The following NEIL2 variants were observed in gnomAD, a reference collection of about 807,000 sequenced individuals.
The protein encoded by NEIL2 is nei like DNA glycosylase 2, also known as endonuclease 8-like 2.
Under a neutral mutation model 22.2 loss-of-function variants are expected in NEIL2, and 23 were observed. That is an observed-to-expected ratio of 1.04 (90% CI 0.75 to 1.47). The LOEUF is 1.47. NEIL2 is among the 40% of genes most tolerant of loss of function. NEIL2 has a pLI of 0.00. For missense variants in NEIL2, 583 were observed against 404.7 expected (o/e 1.44, Z -3.78); for synonymous variants, 229 against 164.8 (o/e 1.39, Z -2.99).
intron 2 of NEIL2, among the ~76,000 whole-genome samples, chr8:11,772,510 A>G (rs1460583690): frequency 6.6e-6 from 1 of 152,192 alleles, no homozygotes; most frequent in African/African-American, 2.4e-5. Context: ...GCATCCTCAG[A>G]GAAGCCTGCC....
chr8:11,782,381 T>G (rs894306773), intron 3 of NEIL2, among the ~76,000 whole-genome samples: 1 of 152,098 alleles, frequency 6.6e-6, no homozygotes, highest in South Asian at 2.1e-4. Flanking sequence ...GCCAAGATAG[T>G]GCCACTGCAC....
At position 11,783,233 on chromosome 8, in the gene NEIL2, C is replaced by T. The variant is rs779960183; in HGVS notation, c.522C>T (p.Phe174=). 6.2e-7 allele frequency: 1 copy of T among 1,614,234 alleles called. No individual in the cohort carries two copies. Among genetic ancestry groups the T allele is most frequent in the Non-Finnish European group, 8.5e-7 (1 of 1,180,036 alleles). The change falls in exon 4 of 5, where the codon TTC becomes TTT. Residue 174 remains phenylalanine (F), a synonymous_variant. Coordinates refer to ENST00000284503, the MANE Select transcript of NEIL2 (RefSeq NM_145043.4). The part of the protein sequence containing the change: ...RLVLHFGGGG[F]LAFYNCQLSW... Reference sequence around the variant, plus strand: ...TCCTGCACTTTGGTGGTGGTGGCTTCCTGGCATTTTATAATTGTCAGTTGT... The same window carrying T: ...TCCTGCACTTTGGTGGTGGTGGCTTTCTGGCATTTTATAATTGTCAGTTGT...
chr8:11,772,446 G>A (rs1342820245), intron 2 of NEIL2, among the ~76,000 whole-genome samples: 4 of 152,172 alleles, frequency 2.6e-5, no homozygotes, highest in Non-Finnish European at 4.4e-5. Context: ...CTCTGCCCCT[G>A]TTCCCTCAAT....
chr8:11,785,117 C>T (rs1267736313), intron 4 of NEIL2, among the ~76,000 whole-genome samples: 1 of 152,168 alleles, frequency 6.6e-6, no homozygotes, highest in African/African-American at 2.4e-5. Flanking sequence ...AATGATCCTC[C>T]TGCCTCTGCC....
rs903177753 is a variant in NEIL2, at chr8:11,786,701, G to C, written c.*428G>C. On this transcript the variant is annotated 3_prime_UTR_variant, in exon 5 of 5. Coordinates refer to ENST00000284503, the MANE Select transcript of NEIL2 (RefSeq NM_145043.4). ...GTCTCCCTGGCTAGGGTGTGGTGGT[G>C]TGATCTTGGCTCACGGCAGCCTTGC... 3 of 239,940 alleles carry C rather than the reference G, an allele frequency of 1.3e-5. No individual in the cohort carries two copies. The highest frequency in any genetic ancestry group is 4.7e-5 in the African/African-American group (2 of 42,338). 14.9% of individuals were successfully genotyped at this position (239,940 alleles called of 1,614,324 possible).
chr8:11,786,144 G>A lies in NEIL2; in HGVS notation c.870G>A (p.Gln290=), dbSNP rs554146499. Residue 290 remains glutamine (Q), a synonymous_variant, in exon 5 of 5, where the codon CAG becomes CAA. Transcript: ENST00000284503. ...PQHTQVYQKE[Q]CPAGHQVMKE... ...ACACACAGGTCTACCAGAAAGAACA[G>A]TGCCCTGCTGGCCACCAGGTCATGA... is the stretch of plus-strand genomic sequence containing the variant. 2 of 1,614,058 alleles carry A rather than the reference G, an allele frequency of 1.2e-6. No individual in the cohort carries two copies. Among genetic ancestry groups the A allele is most frequent in the Non-Finnish European group, 1.7e-6 (2 of 1,180,004 alleles).
chr8:11,787,077 G>T lies in NEIL2; in HGVS notation c.*804G>T, dbSNP rs1376038174. ...GGGATGAGGATAGAGTGGCCTGAGA[G>T]CAGTGCTTGGATTCAGCCTCCTGCT... On this transcript the variant is annotated 3_prime_UTR_variant, in exon 5 of 5. Coordinates refer to ENST00000284503, the MANE Select transcript of NEIL2 (RefSeq NM_145043.4). 6.6e-6 allele frequency: 1 copy of T among 152,646 alleles called. No individual in the cohort carries two copies. The highest frequency in any genetic ancestry group is 1.5e-5 in the Non-Finnish European group (1 of 68,136). The allele number at this position is 152,646 out of a possible 1,614,324, so 9.5% of individuals were successfully genotyped here.
rs8191559 is a variant in NEIL2, at chr8:11,774,248, G to A, written c.138+2663G>A. On this transcript the variant is annotated intron_variant, in intron 2 of 4. Coordinates refer to ENST00000284503, the MANE Select transcript of NEIL2 (RefSeq NM_145043.4). ...AAATTAGCTGGGCATGGTGGTGGGC[G>A]CCTGTAATCCCAGCTACTTGGGAGG... 4.1e-3 allele frequency among the ~76,000 whole-genome samples: 617 copies of A among 152,240 alleles called. 4 individuals are homozygous for A. Among genetic ancestry groups the A allele is most frequent in the Middle Eastern group, 0.017 (5 of 294 alleles).
intron 4 of NEIL2, among the ~76,000 whole-genome samples, chr8:11,784,941 C>CTT (rs1327524079): frequency 6.6e-6 from 1 of 150,840 alleles, no homozygotes. Flanking sequence ...CAATCACAAC[C>CTT]CACTGCAGCC....
At position 11,785,996 on chromosome 8, in the gene NEIL2, C is replaced by G. The variant is rs769943029; in HGVS notation, c.722C>G (p.Ala241Gly). 1.2e-6 allele frequency: 2 copies of G among 1,614,158 alleles called. No homozygotes were observed. Among genetic ancestry groups the G allele is most frequent in the Non-Finnish European group, 1.7e-6 (2 of 1,180,018 alleles). ...NIIKNEALYRAGIHPLSLGSV... is the reference protein window; with the variant it reads ...NIIKNEALYRGGIHPLSLGSV... Reference sequence around the variant, plus strand: ...ATTAAGAATGAAGCCTTGTACAGAGCTGGGATCCATCCCCTTTCTCTCGGT... The same window carrying G: ...ATTAAGAATGAAGCCTTGTACAGAGGTGGGATCCATCCCCTTTCTCTCGGT... Residue 241 changes from alanine to glycine, a missense_variant, in exon 5 of 5, where the codon GCT becomes GGT. Ala to Gly is a moderately conservative substitution (Grantham distance 60, BLOSUM62 0). Coordinates refer to ENST00000284503, the MANE Select transcript of NEIL2 (RefSeq NM_145043.4).
At chr8:11,773,909 C>G (rs1423233986) in intron 2 of NEIL2, among the ~76,000 whole-genome samples, 1 of 152,136 alleles carries the variant, frequency 6.6e-6, no homozygotes, top group Non-Finnish European at 1.5e-5. Flanking sequence ...AAACCAAGCT[C>G]CTTCTACTCT....
Position 11,787,016 on chromosome 8 carries a change from A to AT in NEIL2, c.*756dup, listed in dbSNP as rs71725096. On this transcript the variant is annotated 3_prime_UTR_variant, in exon 5 of 5. Transcript: ENST00000284503. ...CCATTTTGGAAAGCAGGAAAACAGG[A>AT]TTTTTTTTTTTTTATCTTGTTCCCT... 81 of 147,840 alleles carry AT rather than the reference A, an allele frequency of 5.5e-4. No homozygotes were observed. Among genetic ancestry groups the AT allele is most frequent in the South Asian group, 8.6e-4 (4 of 4,664 alleles). 9.2% of individuals were successfully genotyped at this position (147,840 alleles called of 1,614,324 possible).
At chr8:11,778,187 A>T (rs572140510) in intron 2 of NEIL2, among the ~76,000 whole-genome samples, 2 of 152,250 alleles carry the variant, frequency 1.3e-5, no homozygotes, top group Non-Finnish European at 2.9e-5. Flanking sequence ...CATGATGGGC[A>T]TTTGACAGTT....
At chr8:11,776,172 G>A (rs937466167) in intron 2 of NEIL2, among the ~76,000 whole-genome samples, 2 of 152,220 alleles carry the variant, frequency 1.3e-5, no homozygotes, top group Non-Finnish European at 2.9e-5. Context: ...CATGGTGGAA[G>A]GCAAAGGAGA....
At position 11,771,438 on chromosome 8, in the gene NEIL2, G is replaced by A. The variant is rs1184371347; in HGVS notation, c.-2-8G>A. 1.2e-6 allele frequency: 2 copies of A among 1,613,438 alleles called. No individual in the cohort carries two copies. The highest frequency in any genetic ancestry group is 1.7e-6 in the Non-Finnish European group (2 of 1,180,000). ...TCGGTGGCCTCTTTTGCCCATTTCTGCCCACAGGGATGCCAGAAGGGCCGT... is the reference window on the plus strand; with the variant it reads ...TCGGTGGCCTCTTTTGCCCATTTCTACCCACAGGGATGCCAGAAGGGCCGT... On this transcript the variant is annotated splice_polypyrimidine_tract_variant and splice_region_variant and intron_variant, in intron 1 of 4. Transcript: ENST00000284503.
At chr8:11,785,887 C>A in intron 4 of NEIL2, 76 bp from the exon 5 acceptor site, 2 of 1,364,674 alleles carry the variant, frequency 1.5e-6, no homozygotes, top group Non-Finnish European at 2.1e-6. Flanking sequence ...TGATTTCTGC[C>A]TTGTTAACTT....
intron 4 of NEIL2, among the ~76,000 whole-genome samples, chr8:11,785,186 G>C (rs575534784): frequency 1.3e-5 from 2 of 151,206 alleles, no homozygotes; most frequent in Admixed American, 6.6e-5. Context: ...TTGACATTTT[G>C]TTTTTAATTT....
At chr8:11,772,756 C>T (rs956449450) in intron 2 of NEIL2, among the ~76,000 whole-genome samples, 3 of 152,146 alleles carry the variant, frequency 2.0e-5, no homozygotes, top group Non-Finnish European at 2.9e-5. Flanking sequence ...GCTGCTTAGC[C>T]GTGTGCTCTT....
chr8:11,778,967 A>AAAAATG (rs58646648), intron 2 of NEIL2, among the ~76,000 whole-genome samples: 1 of 126,172 alleles, frequency 7.9e-6, no homozygotes, highest in Non-Finnish European at 1.6e-5. Context: ...AAAAAAAAAG[A>AAAAATG]CAGCAGAACA....
Sources: allele counts gnomAD v4.1 joint callset (sites outside exome capture counted in the v4.1 genomes callset), GRCh38; gene constraint gnomAD v4.1.1; transcripts MANE v1.5; gene names NCBI Gene and HGNC (gene_info 2026-07-23, HGNC 2026-07-21).